PRICKLE2: variants seen among roughly 807,000 people sequenced by gnomAD.
The protein encoded by PRICKLE2 is prickle planar cell polarity protein 2, also known as prickle-like protein 2.
Under a neutral mutation model 81.4 loss-of-function variants are expected in PRICKLE2, and 21 were observed. The ratio of observed to expected loss-of-function variants is 0.26; its 90% CI spans 0.18 to 0.37. The LOEUF (loss-of-function observed/expected upper bound fraction) is 0.37. Among genes scored for constraint, PRICKLE2 ranks in the 10% least tolerant of loss-of-function variants. The pLI, the probability that PRICKLE2 is intolerant of heterozygous loss-of-function variation, is 1.00. For synonymous variants in PRICKLE2, 456 were observed against 421.5 expected, an observed-to-expected ratio of 1.08 and a Z score of -1.00; for missense variants, 940 against 1,109.0, an observed-to-expected ratio of 0.85 and a Z score of 2.16.
At chr3:64,125,946 A>T (rs2077099053) in intron 7 of PRICKLE2, among the ~76,000 whole-genome samples, 1 of 151,880 alleles carries the variant, frequency 6.6e-6, no homozygotes, top group Non-Finnish European at 1.5e-5. Context: ...AAACATTATC[A>T]TGAGTCTTTT....
chr3:64,183,693 T>G (rs564597312), intron 2 of PRICKLE2, among the ~76,000 whole-genome samples: 4 of 152,330 alleles, frequency 2.6e-5, no homozygotes, highest in African/African-American at 9.6e-5. Flanking sequence ...TTGGAAACAT[T>G]GCCATGTTTA....
upstream of PRICKLE2, among the ~76,000 whole-genome samples, chr3:64,230,331 GA>G (rs1364031746): frequency 1.3e-5 from 2 of 152,082 alleles, no homozygotes; most frequent in African/African-American, 4.8e-5. Context: ...TTAAACAAAG[GA>G]ATGTTTAACA....
Position 64,137,400 on chromosome 3 carries a change from G to A in PRICKLE2, c.1660+9430C>T, listed in dbSNP as rs374765213. 9.2e-5 allele frequency among the ~76,000 whole-genome samples: 14 copies of A among 152,270 alleles called. No homozygotes were observed. In the East Asian group the frequency reaches 1.2e-3, roughly 13 times the overall value. On this transcript the variant is annotated intron_variant, in intron 7 of 7. Coordinates refer to ENST00000638394, the MANE Select transcript of PRICKLE2 (RefSeq NM_198859.4). ...ACCACTGCTGGCCTCCACCCTGGAC[G>A]AATTTTCCAGTGTTGCCTTTTCAGT...
At chr3:64,120,107 A>G (rs1309738868) in intron 7 of PRICKLE2, among the ~76,000 whole-genome samples, 1 of 152,182 alleles carries the variant, frequency 6.6e-6, no homozygotes, top group African/African-American at 2.4e-5. Context: ...ATTGGGTACT[A>G]TGCTCAGTAC....
At chr3:64,134,709 G>A (rs947448096) in intron 7 of PRICKLE2, among the ~76,000 whole-genome samples, 37 of 149,050 alleles carry the variant, frequency 2.5e-4, no homozygotes, top group African/African-American at 8.7e-4. Flanking sequence ...AGACCACCCT[G>A]TTTCCCCTGG....
rs893856632 is a variant in PRICKLE2 at position 64,097,392 on chromosome 3, C to G, written c.*1659G>C. ...ACGCTCACCTCACCATGGCAGATGG[C>G]CACTGAGATACACCGGGCACTACAT... On this transcript the variant is annotated 3_prime_UTR_variant, in exon 8 of 8. Transcript: ENST00000638394. The G allele has an allele frequency of 6.6e-6, 1 of 152,542 alleles. No homozygotes were observed. The highest frequency in any genetic ancestry group is 2.4e-5 in the African/African-American group (1 of 41,404). 9.4% of individuals were successfully genotyped at this position (152,542 alleles called of 1,614,324 possible). A position where few individuals can be genotyped will look rare whatever the true frequency, so the allele number is the denominator to read the frequency against.
chr3:64,247,836 A>G (rs539184562), intron 2 of PRICKLE2, among the ~76,000 whole-genome samples: 1 of 152,270 alleles, frequency 6.6e-6, no homozygotes, highest in East Asian at 1.9e-4. Context: ...ATGGAATTTC[A>G]TTTTCTAATG....
chr3:64,136,438 G>A (rs1223389662), intron 7 of PRICKLE2, among the ~76,000 whole-genome samples: 1 of 149,834 alleles, frequency 6.7e-6, no homozygotes, highest in Admixed American at 6.7e-5. Flanking sequence ...TGTGGCCCAA[G>A]AATTTGCACA....
chr3:64,147,161 G>C lies in PRICKLE2; in HGVS notation c.1329C>G (p.Gly443=). Reference sequence around the variant, plus strand: ...TCCTTTTGGGGTTGCTGAAGTGCTTGCCCCACATTTCGGGCTGGGCCCCAG... The same window carrying C: ...TCCTTTTGGGGTTGCTGAAGTGCTTCCCCCACATTTCGGGCTGGGCCCCAG... ...QGAGAQPEMW[G]KHFSNPKRSS... The change falls in exon 7 of 8, where the codon GGC becomes GGG. Residue 443 remains glycine (G), a synonymous_variant. Coordinates refer to ENST00000638394, the MANE Select transcript of PRICKLE2 (RefSeq NM_198859.4). The surrounding 1 kb of genome is among the most constrained non-coding windows in gnomAD (Gnocchi z 5.0). 6.2e-7 allele frequency: 1 copy of C among 1,614,106 alleles called. No homozygotes were observed. Among genetic ancestry groups the C allele is most frequent in the Non-Finnish European group, 8.5e-7 (1 of 1,180,010 alleles).
At chr3:64,203,314 A>C (rs577320412) in intron 1 of PRICKLE2, among the ~76,000 whole-genome samples, 53 of 152,334 alleles carry the variant, frequency 3.5e-4, no homozygotes, top group African/African-American at 1.3e-3. Flanking sequence ...CACAATGGTC[A>C]GGTCTGTTGG....
At chr3:64,136,913 T>C (rs923388026) in intron 7 of PRICKLE2, among the ~76,000 whole-genome samples, 4 of 152,182 alleles carry the variant, frequency 2.6e-5, no homozygotes, top group Non-Finnish European at 4.4e-5. Context: ...ACCCATTCAA[T>C]TGAATATTAA....
chr3:64,238,411 C>T (rs190394065), intron 2 of PRICKLE2, among the ~76,000 whole-genome samples: 1 of 150,272 alleles, frequency 6.7e-6, no homozygotes, highest in African/African-American at 2.5e-5. Context: ...CACTTGAATC[C>T]GGGAGGTGGA....
chr3:64,226,207 A>G (rs1184206306), upstream of PRICKLE2, among the ~76,000 whole-genome samples: 2 of 152,234 alleles, frequency 1.3e-5, no homozygotes, highest in Admixed American at 6.5e-5. Flanking sequence ...TTCTAAAGTC[A>G]CACCAGGATT....
In PRICKLE2 at chr3:64,099,140, A is replaced by G. The variant is rs758908365; in HGVS notation, c.2446T>C (p.Tyr816His). Residue 816 changes from tyrosine (Y) to histidine (H), a missense_variant, in exon 8 of 8, where the codon TAC becomes CAC. Physicochemically the swap from Tyr to His is moderately conservative, Grantham distance 83. This residue lies in a region of PRICKLE2 where 670 missense variants were observed against 717.2 expected (regional missense o/e 0.93). Coordinates refer to ENST00000638394, the MANE Select transcript of PRICKLE2 (RefSeq NM_198859.4). This position sits in a 1 kb window ranked among gnomAD's most constrained non-coding sequence, Gnocchi z 4.3. ...AATGTGGAAGATTTGGGGAGGCCGT[A>G]GGAGCTGTATTTGTGCAGCAGCTCA... ...SDELLHKYSS[Y>H]GLPKSSTLGG... 1.9e-6 allele frequency: 3 copies of G among 1,614,212 alleles called. No individual in the cohort carries two copies. The highest frequency in any genetic ancestry group is 2.5e-6 in the Non-Finnish European group (3 of 1,180,034).
intron 2 of PRICKLE2, among the ~76,000 whole-genome samples, chr3:64,234,603 G>A (rs1038001476): frequency 6.6e-6 from 1 of 152,148 alleles, no homozygotes; most frequent in African/African-American, 2.4e-5. Context: ...CTCCCATCAT[G>A]TGGGGTATAT....
chr3:64,162,949 A>T (rs2077758073), intron 3 of PRICKLE2, 67 bp downstream of exon 3: 1 of 1,007,124 alleles, frequency 9.9e-7, no homozygotes, highest in Non-Finnish European at 1.6e-6. Flanking sequence ...GTGGCAGATT[A>T]TGAAAAAGGT....
chr3:64,214,348 C>T (rs1409706790), intron 1 of PRICKLE2, among the ~76,000 whole-genome samples: 1 of 152,208 alleles, frequency 6.6e-6, no homozygotes, highest in African/African-American at 2.4e-5. Flanking sequence ...GTTTACCAGA[C>T]ACCAATGCTG....
At chr3:64,267,027 G>T (rs906990870) in intron 2 of PRICKLE2, among the ~76,000 whole-genome samples, 3 of 151,858 alleles carry the variant, frequency 2.0e-5, no homozygotes, top group African/African-American at 7.3e-5. Flanking sequence ...TGGGTGGGGG[G>T]AGCTGAAACC....
intron 7 of PRICKLE2, among the ~76,000 whole-genome samples, chr3:64,115,570 T>A (rs2076920721): frequency 6.6e-6 from 1 of 151,694 alleles, no homozygotes; most frequent in African/African-American, 2.4e-5. Context: ...CAAAACAGAG[T>A]TTAAGCCAAC....
Sources: allele counts gnomAD v4.1 joint callset (sites outside exome capture counted in the v4.1 genomes callset), GRCh38; gene constraint gnomAD v4.1.1; regional missense constraint gnomAD v4.1.1; non-coding constraint Gnocchi (gnomAD v3.1); transcripts MANE v1.5; gene names NCBI Gene and HGNC (gene_info 2026-07-23, HGNC 2026-07-21).